Variants in GFOD1 observed in about 807,000 individuals in gnomAD.
GFOD1 encodes the protein glucose-fructose oxidoreductase domain-containing protein 1.
A neutral mutation model predicts 25.4 loss-of-function variants in GFOD1; 9 were observed. The ratio of observed to expected loss-of-function variants is 0.35; its 90% CI spans 0.21 to 0.62. The LOEUF (loss-of-function observed/expected upper bound fraction) is 0.62, where lower values mean the gene tolerates loss of function less well. Ranked by LOEUF, GFOD1 falls within the 20% of genes least tolerant of loss-of-function variation. The pLI, the probability that GFOD1 is intolerant of heterozygous loss-of-function variation, is 0.72. For synonymous variants in GFOD1, 253 were observed against 245.6 expected (o/e 1.03, Z -0.28); for missense variants, 403 against 556.9 (o/e 0.72, Z 2.78).
At chr6:13,428,237 G>A (rs771610108) in intron 1 of GFOD1, among the ~76,000 whole-genome samples, 69 of 152,324 alleles carry the variant, frequency 4.5e-4, no homozygotes, top group Non-Finnish European at 8.2e-4. Context: ...GGTGTCTTTA[G>A]AAGGCCAGTT....
chr6:13,480,852 A>C (rs1758734904), intron 1 of GFOD1, among the ~76,000 whole-genome samples: 1 of 152,232 alleles, frequency 6.6e-6, no homozygotes, highest in African/African-American at 2.4e-5. Flanking sequence ...AGAGGCATTC[A>C]GCTACTGCAT....
At chr6:13,479,519 A>T (rs1224240930) in intron 1 of GFOD1, among the ~76,000 whole-genome samples, 2 of 152,342 alleles carry the variant, frequency 1.3e-5, no homozygotes, top group South Asian at 4.1e-4. Context: ...AGTCAAATAT[A>T]TAACTAAGTG....
intron 1 of GFOD1, among the ~76,000 whole-genome samples, chr6:13,389,177 AG>A (rs1785534538): frequency 6.6e-6 from 1 of 152,238 alleles, no homozygotes; most frequent in Non-Finnish European, 1.5e-5. Flanking sequence ...AGTGTAAATT[AG>A]TTTAACCATT....
chr6:13,375,410 A>G (rs1785237495), intron 1 of GFOD1, among the ~76,000 whole-genome samples: 1 of 152,232 alleles, frequency 6.6e-6, no homozygotes, highest in Admixed American at 6.5e-5. Context: ...TGAGCTTCAG[A>G]AACCAGGGCG....
At chr6:13,396,618 G>A (rs1253311543) in intron 1 of GFOD1, among the ~76,000 whole-genome samples, 1 of 152,192 alleles carries the variant, frequency 6.6e-6, no homozygotes, top group African/African-American at 2.4e-5. Flanking sequence ...GGATTATCCT[G>A]GATTAGCCAG....
rs376140240 is a variant in GFOD1 at position 13,427,673 on chromosome 6, A to G, written c.253+58965T>C. Among the ~76,000 whole-genome samples, 7 of 152,286 alleles carry G rather than the reference A, an allele frequency of 4.6e-5. No individual in the cohort carries two copies. The South Asian group carries it at 1.2e-3, about 27-fold the overall frequency. On this transcript the variant is annotated intron_variant, in intron 1 of 1. Coordinates refer to ENST00000379287, the MANE Select transcript of GFOD1 (RefSeq NM_018988.4). ...CTCAAAAAAAAAGGCTTTGTAATAA[A>G]CTTTTCTGATGTTTTTCAGAATTCA...
intron 1 of GFOD1, among the ~76,000 whole-genome samples, chr6:13,400,880 C>T (rs1185108883): frequency 6.6e-6 from 1 of 152,098 alleles, no homozygotes; most frequent in Admixed American, 6.5e-5. Context: ...GAAAGAGGCA[C>T]GAGAGTCCTC....
chr6:13,476,529 G>T (rs1437987683), intron 1 of GFOD1, among the ~76,000 whole-genome samples: 1 of 152,124 alleles, frequency 6.6e-6, no homozygotes, highest in Non-Finnish European at 1.5e-5. Flanking sequence ...AAAAATAATG[G>T]AATCACTTAC....
At chr6:13,414,030 T>C (rs1333953067) in intron 1 of GFOD1, among the ~76,000 whole-genome samples, 4 of 152,212 alleles carry the variant, frequency 2.6e-5, no homozygotes, top group Non-Finnish European at 4.4e-5. Flanking sequence ...CCAAAGCAAA[T>C]CACGTTTATT....
intron 1 of GFOD1, among the ~76,000 whole-genome samples, chr6:13,378,549 A>G (rs1785299148): frequency 6.6e-6 from 1 of 152,210 alleles, no homozygotes; most frequent in Admixed American, 6.5e-5. Flanking sequence ...CAACTGAAAG[A>G]TTATTATCGA....
chr6:13,471,416 C>A (rs1758502237), intron 1 of GFOD1, among the ~76,000 whole-genome samples: 1 of 152,170 alleles, frequency 6.6e-6, no homozygotes, highest in Non-Finnish European at 1.5e-5. Context: ...ATCACCCCAC[C>A]CAGGTCCGTG....
intron 1 of GFOD1, among the ~76,000 whole-genome samples, chr6:13,412,810 A>T (rs1352816967): frequency 6.6e-6 from 1 of 152,230 alleles, no homozygotes; most frequent in Non-Finnish European, 1.5e-5. Context: ...CAAAGGTTGT[A>T]ATGACCAAGT....
At chr6:13,386,862 G>T (rs1047080970) in intron 1 of GFOD1, among the ~76,000 whole-genome samples, 1 of 152,112 alleles carries the variant, frequency 6.6e-6, no homozygotes, top group African/African-American at 2.4e-5. Context: ...GCCCTACAGG[G>T]GGTTCAAGAT....
At chr6:13,388,142 T>C (rs1380139542) in intron 1 of GFOD1, among the ~76,000 whole-genome samples, 5 of 152,234 alleles carry the variant, frequency 3.3e-5, no homozygotes, top group Admixed American at 6.5e-5. Context: ...GATCATTCCA[T>C]GCTCATGGTT....
At chr6:13,378,404 A>G (rs1460861702) in intron 1 of GFOD1, among the ~76,000 whole-genome samples, 1 of 152,224 alleles carries the variant, frequency 6.6e-6, no homozygotes, top group African/African-American at 2.4e-5. Flanking sequence ...AAAGGAGGGC[A>G]GAGTCTAGAG....
chr6:13,375,372 C>T (rs1584611616), intron 1 of GFOD1, among the ~76,000 whole-genome samples: 1 of 152,206 alleles, frequency 6.6e-6, no homozygotes, highest in African/African-American at 2.4e-5. Context: ...AAGGAGGGCT[C>T]TGAAGACAAT....
At chr6:13,371,527 T>C (rs749905785) in intron 1 of GFOD1, among the ~76,000 whole-genome samples, 10 of 152,148 alleles carry the variant, frequency 6.6e-5, no homozygotes, top group South Asian at 2.1e-4. Flanking sequence ...ATTTCAGAGA[T>C]AAAAATCATG....
At chr6:13,449,356 T>C (rs556270259) in intron 1 of GFOD1, among the ~76,000 whole-genome samples, 1 of 152,330 alleles carries the variant, frequency 6.6e-6, no homozygotes, top group Non-Finnish European at 1.5e-5. Context: ...CAGCCAAGCA[T>C]GACAGTGCAT....
At chr6:13,428,770 C>G (rs746109423) in intron 1 of GFOD1, among the ~76,000 whole-genome samples, 1 of 152,160 alleles carries the variant, frequency 6.6e-6, no homozygotes, top group Non-Finnish European at 1.5e-5. Flanking sequence ...ACTTCCCTCC[C>G]CAAACACCAC....
Sources: allele counts gnomAD v4.1 joint callset (sites outside exome capture counted in the v4.1 genomes callset), GRCh38; gene constraint gnomAD v4.1.1; transcripts MANE v1.5; gene names NCBI Gene and HGNC (gene_info 2026-07-23, HGNC 2026-07-21).